The following TAS2R1 variants were observed in gnomAD, a reference collection of about 807,000 sequenced individuals.
TAS2R1 encodes taste 2 receptor member 1.
For missense variants in TAS2R1, 370 were observed against 353.4 expected (o/e 1.05, Z -0.38); for synonymous variants, 141 against 134.2 (o/e 1.05, Z -0.35).
chr5:9,828,492 G>A, the TAS2R1 span, among the ~76,000 whole-genome samples: 2 of 152,162 alleles, frequency 1.3e-5, no homozygotes, highest in East Asian at 3.9e-4. Context: ...AACATATAAT[G>A]CTTCCAAAGT....
chr5:9,901,595 G>A, the TAS2R1 span, among the ~76,000 whole-genome samples: 1 of 152,036 alleles, frequency 6.6e-6, no homozygotes, highest in African/African-American at 2.4e-5. Context: ...AAAAGGAAGT[G>A]TACATCATAA....
the TAS2R1 span, among the ~76,000 whole-genome samples, chr5:9,722,924 G>C: frequency 1.3e-5 from 2 of 152,224 alleles, no homozygotes; most frequent in African/African-American, 4.8e-5. Flanking sequence ...GCTGTGAAAT[G>C]GTCAGACAGA....
chr5:9,784,418 A>G, the TAS2R1 span, among the ~76,000 whole-genome samples: 1 of 152,224 alleles, frequency 6.6e-6, no homozygotes, highest in Non-Finnish European at 1.5e-5. Context: ...TGCTATCCCC[A>G]GCAGCTGGCA....
chr5:9,808,086 C>A, the TAS2R1 span, among the ~76,000 whole-genome samples: 1 of 152,028 alleles, frequency 6.6e-6, no homozygotes, highest in Non-Finnish European at 1.5e-5. Flanking sequence ...TAGAAAAAGC[C>A]AAGATTGCCA....
chr5:9,753,031 C>A, the TAS2R1 span, among the ~76,000 whole-genome samples: 1 of 152,126 alleles, frequency 6.6e-6, no homozygotes, highest in Admixed American at 6.5e-5. Context: ...GTCTTTATAG[C>A]AGCATGATTT....
At chr5:9,835,337 C>T in the TAS2R1 span, among the ~76,000 whole-genome samples, 31 of 152,320 alleles carry the variant, frequency 2.0e-4, no homozygotes, top group African/African-American at 6.0e-4. Flanking sequence ...TGTGACGCTA[C>T]ACTAGAAACA....
intron 2 of TAS2R1, among the ~76,000 whole-genome samples, chr5:9,650,018 T>C (rs529798134): frequency 6.6e-6 from 1 of 152,092 alleles, no homozygotes; most frequent in African/African-American, 2.4e-5. Context: ...AAAGGGAGAT[T>C]GTTATATAGT....
At chr5:9,764,177 T>A in the TAS2R1 span, among the ~76,000 whole-genome samples, 9 of 152,308 alleles carry the variant, frequency 5.9e-5, no homozygotes, top group East Asian at 1.7e-3. Context: ...AAAGGAAAAA[T>A]TCACAATTGT....
At chr5:9,784,373 T>C in the TAS2R1 span, among the ~76,000 whole-genome samples, 1 of 152,150 alleles carries the variant, frequency 6.6e-6, no homozygotes, top group South Asian at 2.1e-4. Flanking sequence ...GAGGTCCATA[T>C]GCCAGAAAAT....
At chr5:9,784,982 A>G in the TAS2R1 span, among the ~76,000 whole-genome samples, 2 of 152,222 alleles carry the variant, frequency 1.3e-5, no homozygotes, top group African/African-American at 2.4e-5. Flanking sequence ...TTGGGGAGAC[A>G]CAATTCAACC....
At chr5:9,679,595 AC>A (rs1740955437) in intron 1 of TAS2R1, among the ~76,000 whole-genome samples, 1 of 152,196 alleles carries the variant, frequency 6.6e-6, no homozygotes, top group South Asian at 2.1e-4. Flanking sequence ...TGCTGATACT[AC>A]TTACATGTAC....
the TAS2R1 span, among the ~76,000 whole-genome samples, chr5:9,804,439 T>C: frequency 6.6e-6 from 1 of 152,258 alleles, no homozygotes; most frequent in East Asian, 1.9e-4. Context: ...CTGCAGAATA[T>C]ACAATCTATT....
the TAS2R1 span, among the ~76,000 whole-genome samples, chr5:9,786,886 C>T: frequency 6.6e-6 from 1 of 152,210 alleles, no homozygotes; most frequent in Non-Finnish European, 1.5e-5. Context: ...AACATACTTT[C>T]TCTGCATAAG....
At chr5:9,737,466 G>T in the TAS2R1 span, among the ~76,000 whole-genome samples, 1 of 152,176 alleles carries the variant, frequency 6.6e-6, no homozygotes, top group East Asian at 1.9e-4. Context: ...CATGCTGAGT[G>T]CTTTGACAGC....
chr5:9,708,497 T>C (rs1741668424), intron 1 of TAS2R1, among the ~76,000 whole-genome samples: 1 of 152,230 alleles, frequency 6.6e-6, no homozygotes, highest in South Asian at 2.1e-4. Context: ...TCTCTCCTTT[T>C]ACACAGTCTG....
chr5:9,639,663 A>T (rs919535172), intron 2 of TAS2R1, among the ~76,000 whole-genome samples: 4 of 152,218 alleles, frequency 2.6e-5, no homozygotes, highest in Admixed American at 2.6e-4. Flanking sequence ...CTCCAACCTT[A>T]GCTAAATCTT....
At chr5:9,842,640 C>T in the TAS2R1 span, among the ~76,000 whole-genome samples, 1 of 152,090 alleles carries the variant, frequency 6.6e-6, no homozygotes, top group African/African-American at 2.4e-5. Context: ...TCTTTTGAAG[C>T]AGCTCAATCC....
At chr5:9,632,496 T>C (rs958489818), upstream of TAS2R1, among the ~76,000 whole-genome samples, 3 of 152,218 alleles carry the variant, frequency 2.0e-5, no homozygotes, top group African/African-American at 7.2e-5. Context: ...CTCTGTAGCA[T>C]GTGATGCTGT....
At chr5:9,842,124 C>T in the TAS2R1 span, among the ~76,000 whole-genome samples, 2 of 152,152 alleles carry the variant, frequency 1.3e-5, no homozygotes, top group East Asian at 3.9e-4. Context: ...GTGTAAAAAC[C>T]TTCATCACTT....
Sources: allele counts gnomAD v4.1 joint callset (sites outside exome capture counted in the v4.1 genomes callset), GRCh38; gene constraint gnomAD v4.1.1; transcripts MANE v1.5; gene names NCBI Gene and HGNC (gene_info 2026-07-23, HGNC 2026-07-21).